Variants in NDUFA10 observed in about 807,000 individuals in gnomAD.
NDUFA10 encodes NADH dehydrogenase [ubiquinone] 1 alpha subcomplex subunit 10, mitochondrial.
Under a neutral mutation model 47.8 loss-of-function variants are expected in NDUFA10, and 40 were observed. That is an observed-to-expected ratio of 0.84 (90% CI 0.65 to 1.09). The LOEUF is 1.09. Ranked by LOEUF, NDUFA10 falls within the 50% of genes least tolerant of loss-of-function variation. The pLI is 0.00. For missense variants in NDUFA10, 413 were observed against 451.1 expected (o/e 0.92, Z 0.76); for synonymous variants, 183 against 172.2 (o/e 1.06, Z -0.49).
At chr2:240,001,549 G>A (rs1696717672) in intron 8 of NDUFA10, among the ~76,000 whole-genome samples, 1 of 152,226 alleles carries the variant, frequency 6.6e-6, no homozygotes, top group East Asian at 1.9e-4. Context: ...GGGGCACAGT[G>A]ACAGGTGAGT....
At chr2:239,909,952 G>GAAA (rs199519387) in intron 4 of NDUFA10, among the ~76,000 whole-genome samples, 17 of 113,338 alleles carry the variant, frequency 1.5e-4, no homozygotes, top group African/African-American at 5.2e-4. Flanking sequence ...GCAAACATAT[G>GAAA]AAAAAAAAAA....
chr2:239,897,687 C>T (rs1693422870), intron 4 of NDUFA10, among the ~76,000 whole-genome samples: 1 of 152,216 alleles, frequency 6.6e-6, no homozygotes, highest in African/African-American at 2.4e-5. Context: ...GGCCCTCCTC[C>T]TCCTCCTCTT....
In NDUFA10 at chr2:240,021,369, ACTG is replaced by A. The variant is rs773576561; in HGVS notation, c.285_287del (p.Ser96del). 6.2e-7 allele frequency: 1 copy of A among 1,614,192 alleles called. No individual in the cohort carries two copies. Among genetic ancestry groups the A allele is most frequent in the Non-Finnish European group, 8.5e-7 (1 of 1,180,028 alleles). On this transcript the variant is annotated inframe_deletion, in exon 3 of 10. Transcript: ENST00000252711. The stretch of plus-strand genomic sequence containing the variant: ...CGAGGGGCTTCCCATCTCCTGTGGT[ACTG>A]TCTGGATAATGAATCCCCGCTTCAG...
At chr2:239,934,674 G>T (rs148701956) in intron 4 of NDUFA10, among the ~76,000 whole-genome samples, 26 of 152,246 alleles carry the variant, frequency 1.7e-4, no homozygotes, top group Non-Finnish European at 3.2e-4. Flanking sequence ...ATCCTAGAGC[G>T]GTAGAGGGCG....
At chr2:240,008,073 CT>C (rs1697014056) in intron 6 of NDUFA10, among the ~76,000 whole-genome samples, 1 of 152,214 alleles carries the variant, frequency 6.6e-6, no homozygotes. Flanking sequence ...CAACAGACCA[CT>C]GGTTGATTAA....
intron 4 of NDUFA10, among the ~76,000 whole-genome samples, chr2:240,015,658 G>A (rs1697317448): frequency 6.6e-6 from 1 of 152,212 alleles, no homozygotes; most frequent in South Asian, 2.1e-4. Context: ...GCCACCCAAG[G>A]GAACCCTGCC....
chr2:239,900,667 G>C (rs988870926), intron 4 of NDUFA10, among the ~76,000 whole-genome samples: 1 of 152,168 alleles, frequency 6.6e-6, no homozygotes, highest in Admixed American at 6.5e-5. Context: ...GGTGGGTGTA[G>C]AACCTTGTCA....
intron 4 of NDUFA10, among the ~76,000 whole-genome samples, chr2:239,897,622 C>T (rs1041672617): frequency 6.6e-6 from 1 of 152,168 alleles, no homozygotes; most frequent in Non-Finnish European, 1.5e-5. Flanking sequence ...GAAGAGAGTC[C>T]CAGGCTTCCG....
At chr2:239,898,434 C>CT (rs1693442485) in intron 4 of NDUFA10, among the ~76,000 whole-genome samples, 1 of 151,712 alleles carries the variant, frequency 6.6e-6, no homozygotes. Flanking sequence ...ACACTCTGCT[C>CT]TTTTTGTCAG....
chr2:239,997,314 TTCGAAAAAGTTAATAAA>T (rs1278777655), intron 8 of NDUFA10, among the ~76,000 whole-genome samples: 1 of 152,084 alleles, frequency 6.6e-6, no homozygotes, highest in Non-Finnish European at 1.5e-5. Context: ...AACCAGGTTC[TTCGAAAAAGTTAATAAA>T]TATGAAGGGA....
At chr2:239,973,125 T>C (rs901363186) in intron 9 of NDUFA10, among the ~76,000 whole-genome samples, 5 of 152,218 alleles carry the variant, frequency 3.3e-5, no homozygotes, top group Admixed American at 1.3e-4. Context: ...GCCGAGTTTC[T>C]ATGATTAATT....
chr2:239,967,711 T>A (rs558489269), intron 9 of NDUFA10, among the ~76,000 whole-genome samples: 1 of 152,116 alleles, frequency 6.6e-6, no homozygotes, highest in South Asian at 2.1e-4. Context: ...CCAGGTGAGG[T>A]CGCAGAGGCA....
intron 7 of NDUFA10, 36 bp from the exon 8 acceptor site, chr2:240,005,331 C>T (rs1696908563): frequency 1.3e-6 from 2 of 1,534,996 alleles, no homozygotes; most frequent in East Asian, 2.2e-5. Flanking sequence ...AACAGAGAAC[C>T]CCATTTTAGA....
In NDUFA10 at chr2:239,980,062, C is replaced by T. The variant is rs1368203869; in HGVS notation, c.999+10012G>A. On this transcript the variant is annotated intron_variant, in intron 9 of 9. Coordinates refer to ENST00000252711, the MANE Select transcript of NDUFA10 (RefSeq NM_004544.4). ...GTCCCCTGCGTCAGGTGCCTGAGACCTCTCTCCACATGGCAGCCTCCTCGC... is the reference window on the plus strand; with the variant it reads ...GTCCCCTGCGTCAGGTGCCTGAGACTTCTCTCCACATGGCAGCCTCCTCGC... Among the ~76,000 whole-genome samples, 6 of 152,282 alleles carry T rather than the reference C, an allele frequency of 3.9e-5. No homozygotes were observed. The South Asian group carries it at 8.3e-4, about 21-fold the overall frequency.
intron 9 of NDUFA10, among the ~76,000 whole-genome samples, chr2:239,988,913 TCA>T (rs1258753792): frequency 1.4e-3 from 129 of 94,476 alleles, no homozygotes; most frequent in African/African-American, 5.6e-3. Context: ...GCACACACAC[TCA>T]CACACGTGTA....
At chr2:240,006,529 G>A (rs1013389881) in intron 7 of NDUFA10, among the ~76,000 whole-genome samples, 2 of 152,130 alleles carry the variant, frequency 1.3e-5, no homozygotes, top group Non-Finnish European at 2.9e-5. Flanking sequence ...CACACTTCAA[G>A]ACCAGATCCT....
chr2:239,918,068 G>A (rs755855649), intron 4 of NDUFA10, among the ~76,000 whole-genome samples: 1 of 152,196 alleles, frequency 6.6e-6, no homozygotes, highest in Non-Finnish European at 1.5e-5. Context: ...CCTGCTCCTG[G>A]TCCTCAGGGG....
At chr2:239,938,568 C>T (rs182379086) in intron 4 of NDUFA10, among the ~76,000 whole-genome samples, 161 of 152,344 alleles carry the variant, frequency 1.1e-3, no homozygotes, top group Non-Finnish European at 1.8e-3. Context: ...GGCAGCGTCT[C>T]TTCCTGCCCA....
intron 9 of NDUFA10, chr2:239,983,420 ATTAT>A (rs1159843016): frequency 1.4e-6 from 2 of 1,464,440 alleles, no homozygotes; most frequent in Admixed American, 2.4e-5. Context: ...AATGGTCATT[ATTAT>A]TTATTACTAT....
Sources: allele counts gnomAD v4.1 joint callset (sites outside exome capture counted in the v4.1 genomes callset), GRCh38; gene constraint gnomAD v4.1.1; transcripts MANE v1.5; gene names NCBI Gene and HGNC (gene_info 2026-07-23, HGNC 2026-07-21).